Variants in LYAR observed in about 807,000 individuals in gnomAD.
LYAR encodes cell growth-regulating nucleolar protein.
Under a neutral mutation model 45.2 loss-of-function variants are expected in LYAR, and 37 were observed. That is an observed-to-expected ratio of 0.82 (90% confidence interval 0.63 to 1.08). The LOEUF (loss-of-function observed/expected upper bound fraction) is 1.08, where lower values mean the gene tolerates loss of function less well. Ranked by LOEUF, LYAR falls within the 50% of genes least tolerant of loss-of-function variation. The pLI is 0.00. For synonymous variants in LYAR, 176 were observed against 155.1 expected (o/e 1.14, Z -1.00); for missense variants, 493 against 451.0 (o/e 1.09, Z -0.84).
chr4:4,276,750 G>A lies in LYAR; in HGVS notation c.430-1981C>T, dbSNP rs551619747. On this transcript the variant is annotated intron_variant, in intron 6 of 9. Transcript: ENST00000343470. ...CAAGCGCCTGTAATCCTAGCTACTC[G>A]GGGGGCTGGGACAGGAGAATCACTT... is the stretch of plus-strand genomic sequence containing the variant. Among the ~76,000 whole-genome samples, 264 of 151,648 alleles carry A rather than the reference G, an allele frequency of 1.7e-3. 1 individual carries two copies. Among genetic ancestry groups the A allele is most frequent in the African/African-American group, 5.8e-3 (238 of 41,358 alleles).
chr4:4,279,554 A>G, intron 5 of LYAR, 24 bp from the exon 6 acceptor site: 1 of 1,583,286 alleles, frequency 6.3e-7, no homozygotes, highest in Non-Finnish European at 8.7e-7. Flanking sequence ...AAAGAAAAAG[A>G]ACTATTGATC....
intron 8 of LYAR, 100 bp from the exon 9 acceptor site, chr4:4,268,715 G>C: frequency 2.8e-6 from 2 of 719,890 alleles, no homozygotes; most frequent in Non-Finnish European, 2.3e-6. Flanking sequence ...CCCAGGAAAT[G>C]AGCTAACCCT....
chr4:4,274,039 C>T (rs969428587), intron 7 of LYAR, among the ~76,000 whole-genome samples: 1 of 152,152 alleles, frequency 6.6e-6, no homozygotes, highest in Non-Finnish European at 1.5e-5. Flanking sequence ...GAGTCCGAGA[C>T]CAGCCAGGCT....
intron 8 of LYAR, chr4:4,268,961 T>G (rs532383431): frequency 5.7e-6 from 1 of 175,386 alleles, no homozygotes; most frequent in African/African-American, 2.4e-5. Flanking sequence ...CAAAACAGCT[T>G]GACCTGAAAT....
At chr4:4,277,246 C>A (rs1196135226) in intron 6 of LYAR, among the ~76,000 whole-genome samples, 2 of 152,092 alleles carry the variant, frequency 1.3e-5, no homozygotes, top group Non-Finnish European at 2.9e-5. Flanking sequence ...AGGGTTTCAC[C>A]ATGTTGGTCA....
chr4:4,279,398 T>C, intron 6 of LYAR, 49 bp downstream of exon 6: 1 of 1,175,766 alleles, frequency 8.5e-7, no homozygotes, highest in Non-Finnish European at 1.2e-6. Flanking sequence ...ATTTCATTAT[T>C]ACTAATTATT....
chr4:4,283,855 C>A lies in LYAR; in HGVS notation c.-53-60G>T, dbSNP rs115544713. 574 of 749,634 alleles carry A rather than the reference C, an allele frequency of 7.7e-4. 2 individuals are homozygous for A. In the African/African-American group the frequency reaches 9.3e-3, roughly 12 times the overall value. The allele number at this position is 749,634 out of a possible 1,614,324, so 46.4% of individuals were successfully genotyped here. On this transcript the variant is annotated intron_variant, in intron 2 of 9. Transcript: ENST00000343470. ...AAACTTCTCATTTCAATAAATGGCT[C>A]ATGCCCCTAACTTTTCAACCATAAT... is the stretch of plus-strand genomic sequence containing the variant.
intron 8 of LYAR, among the ~76,000 whole-genome samples, chr4:4,270,244 T>C (rs1305964851): frequency 7.8e-6 from 1 of 127,502 alleles, no homozygotes; most frequent in Non-Finnish European, 1.6e-5. Flanking sequence ...ATTGTACACC[T>C]GAACTACATA....
chr4:4,289,434 C>T (rs1413279541), intron 1 of LYAR, among the ~76,000 whole-genome samples: 1 of 152,202 alleles, frequency 6.6e-6, no homozygotes, highest in Non-Finnish European at 1.5e-5. Context: ...TCCCTCTCTC[C>T]TCAGAGGTAG....
rs540187879 is a variant in LYAR at position 4,270,612 on chromosome 4, T to G, written c.920-1997A>C. On this transcript the variant is annotated intron_variant, in intron 8 of 9. Transcript: ENST00000343470. ...AAATTAGAAAATAGGGGAAAAAAAT[T>G]TAAAAAAAGAGAGCAGACATTTCAA... Among the ~76,000 whole-genome samples the G allele has an allele frequency of 6.8e-5, 10 of 146,042 alleles. No homozygotes were observed. The East Asian group carries it at 2.0e-3, about 30-fold the overall frequency.
At chr4:4,279,777 C>T (rs768180640) in intron 4 of LYAR, 28 bp from the exon 5 acceptor site, 36 of 1,421,618 alleles carry the variant, frequency 2.5e-5, no homozygotes, top group Non-Finnish European at 3.4e-5. Context: ...AAAAGAAAAA[C>T]TATTAATAAA....
intron 1 of LYAR, among the ~76,000 whole-genome samples, chr4:4,287,763 C>T (rs1405794680): frequency 2.0e-5 from 3 of 152,098 alleles, no homozygotes; most frequent in Non-Finnish European, 4.4e-5. Context: ...GCACCTGGGA[C>T]CTTGAGGTCC....
intron 3 of LYAR, among the ~76,000 whole-genome samples, chr4:4,282,997 C>T (rs1296717114): frequency 6.6e-6 from 1 of 152,198 alleles, no homozygotes; most frequent in African/African-American, 2.4e-5. Context: ...CCCCTGGAGC[C>T]ATCTTCCACG....
At chr4:4,275,523 C>T (rs1025827502) in intron 6 of LYAR, among the ~76,000 whole-genome samples, 1 of 151,688 alleles carries the variant, frequency 6.6e-6, no homozygotes, top group Non-Finnish European at 1.5e-5. Flanking sequence ...CAGCTCACTG[C>T]AACCTCCAGC....
intron 6 of LYAR, among the ~76,000 whole-genome samples, chr4:4,277,222 T>A (rs1560094341): frequency 6.6e-6 from 1 of 152,080 alleles, no homozygotes; most frequent in Non-Finnish European, 1.5e-5. Flanking sequence ...AATTTTTGTA[T>A]TTTTAGTAAA....
intron 3 of LYAR, among the ~76,000 whole-genome samples, chr4:4,282,256 C>G (rs1194359180): frequency 6.6e-6 from 1 of 152,038 alleles, no homozygotes; most frequent in Non-Finnish European, 1.5e-5. Context: ...ATCTCAATGT[C>G]TAATAGACAG....
chr4:4,273,300 T>C (rs567505212), intron 8 of LYAR, among the ~76,000 whole-genome samples: 13 of 152,354 alleles, frequency 8.5e-5, no homozygotes, highest in Admixed American at 3.9e-4. Flanking sequence ...AATTCTTATA[T>C]ATACCTCTGG....
At position 4,269,474 on chromosome 4, in the gene LYAR, G is replaced by A. The variant is rs149756468; in HGVS notation, c.920-859C>T. On this transcript the variant is annotated intron_variant, in intron 8 of 9. Transcript: ENST00000343470. ...GGACGGTGTCACAGAAGGCCAAGCA[G>A]GAATTCAGGGGTCTCATCCACACAG... Among the ~76,000 whole-genome samples, 254 of 152,294 alleles carry A rather than the reference G, an allele frequency of 1.7e-3. 1 individual carries two copies. Among genetic ancestry groups the A allele is most frequent in the African/African-American group, 6.0e-3 (250 of 41,550 alleles).
intron 4 of LYAR, among the ~76,000 whole-genome samples, chr4:4,279,996 A>G (rs1041222429): frequency 6.6e-6 from 1 of 152,268 alleles, no homozygotes; most frequent in Non-Finnish European, 1.5e-5. Context: ...AAGTAAAATT[A>G]TCTCTGTTCA....
Sources: gnomAD v4.1 joint callset for allele counts (sites outside exome capture counted in the v4.1 genomes callset) on GRCh38, gnomAD v4.1.1 for gene constraint, MANE v1.5 for transcripts, NCBI Gene and HGNC (gene_info 2026-07-23, HGNC 2026-07-21) for gene names.